SCAND3: variants seen among roughly 807,000 people sequenced by gnomAD.
SCAND3 encodes the protein SCAN domain containing 3.
At chr6:28,574,615 T>C in the SCAND3 span, 1 of 1,578,848 alleles carries the variant, frequency 6.3e-7, no homozygotes, top group Non-Finnish European at 8.7e-7. Context: ...CTTCCCCTGC[T>C]TTCATCTACG....
chr6:28,572,115 A>G, the SCAND3 span: 2 of 1,613,962 alleles, frequency 1.2e-6, no homozygotes, highest in Non-Finnish European at 1.7e-6. The surrounding 1 kb of genome is among the most constrained non-coding windows in gnomAD (Gnocchi z 4.1). Flanking sequence ...CAGCAAGCTC[A>G]GGATAGTCAT....
At chr6:28,597,376 A>G in the SCAND3 span, among the ~76,000 whole-genome samples, 2 of 152,246 alleles carry the variant, frequency 1.3e-5, no homozygotes, top group Non-Finnish European at 2.9e-5. Flanking sequence ...CGTGCAGAGC[A>G]CAATGGATTA....
At chr6:28,583,138 T>G in the SCAND3 span, among the ~76,000 whole-genome samples, 1 of 150,826 alleles carries the variant, frequency 6.6e-6, no homozygotes, top group African/African-American at 2.4e-5. Context: ...CACGCCTGTA[T>G]TCCCAACACT....
the SCAND3 span, chr6:28,587,744 T>C: frequency 6.6e-6 from 1 of 151,110 alleles, no homozygotes; most frequent in Non-Finnish European, 1.5e-5. Flanking sequence ...TAAGAGTTAG[T>C]CCATTGTTTC....
the SCAND3 span, chr6:28,591,397 TC>T: frequency 1.3e-5 from 2 of 152,146 alleles, no homozygotes; most frequent in African/African-American, 4.8e-5. Flanking sequence ...TTATAAAAAC[TC>T]CACCCTTGAA....
At chr6:28,574,518 T>C in the SCAND3 span, 1 of 825,168 alleles carries the variant, frequency 1.2e-6, no homozygotes, top group Non-Finnish European at 1.9e-6. Context: ...TAGGCCTTCT[T>C]TGGGGGAAAT....
chr6:28,597,760 A>C, the SCAND3 span: 1 of 152,176 alleles, frequency 6.6e-6, no homozygotes, highest in African/African-American at 2.4e-5. Context: ...CTCCCTTTGG[A>C]GGGACCGGAT....
At chr6:28,572,101 A>G in the SCAND3 span, 50 of 1,614,078 alleles carry the variant, frequency 3.1e-5, no homozygotes, top group African/African-American at 3.5e-4. This position sits in a 1 kb window ranked among gnomAD's most constrained non-coding sequence, Gnocchi z 4.1. Flanking sequence ...TTTTAAAGCA[A>G]TCTCAGCAAG....
the SCAND3 span, among the ~76,000 whole-genome samples, chr6:28,600,395 G>A: frequency 6.6e-6 from 1 of 152,182 alleles, no homozygotes; most frequent in Non-Finnish European, 1.5e-5. Flanking sequence ...AACTTTGGGA[G>A]GCTAAGGCAG....
At chr6:28,574,537 G>T in the SCAND3 span, 1 of 941,538 alleles carries the variant, frequency 1.1e-6, no homozygotes, top group Non-Finnish European at 1.6e-6. Flanking sequence ...ATATATCCAA[G>T]GTAATAAAAA....
the SCAND3 span, among the ~76,000 whole-genome samples, chr6:28,579,688 A>C: frequency 6.6e-6 from 1 of 152,354 alleles, no homozygotes; most frequent in African/African-American, 2.4e-5. This position sits in a 1 kb window ranked among gnomAD's most constrained non-coding sequence, Gnocchi z 4.5. Flanking sequence ...AGCACGTTAA[A>C]GAAATATCTC....
the SCAND3 span, among the ~76,000 whole-genome samples, chr6:28,580,053 T>C: frequency 1.4e-4 from 21 of 152,258 alleles, no homozygotes; most frequent in African/African-American, 3.6e-4. Flanking sequence ...TCCAGTGACA[T>C]AGGAGGAGAT....
the SCAND3 span, chr6:28,593,549 C>G: frequency 6.6e-6 from 1 of 152,196 alleles, no homozygotes; most frequent in Non-Finnish European, 1.5e-5. Context: ...GTGGTACGCA[C>G]CTCTAATCCC....
At chr6:28,587,378 A>T in the SCAND3 span, 1 of 152,246 alleles carries the variant, frequency 6.6e-6, no homozygotes, top group African/African-American at 2.4e-5. Flanking sequence ...CCGTCTTCTC[A>T]CTGGTTGTGC....
At chr6:28,602,956 A>ATTTTTTTT in the SCAND3 span, among the ~76,000 whole-genome samples, 3 of 94,458 alleles carry the variant, frequency 3.2e-5, no homozygotes, top group Admixed American at 1.3e-4. Context: ...CCAAAAAAAA[A>ATTTTTTTT]TTTTTTTTTT....
chr6:28,571,968 T>G, the SCAND3 span: 1 of 1,613,888 alleles, frequency 6.2e-7, no homozygotes. Context: ...TAGGTTGGAT[T>G]GATGACAATG....
the SCAND3 span, chr6:28,572,588 TGGC>T: frequency 6.2e-7 from 1 of 1,614,090 alleles, no homozygotes; most frequent in Non-Finnish European, 8.5e-7. The surrounding 1 kb of genome is among the most constrained non-coding windows in gnomAD (Gnocchi z 4.1). Flanking sequence ...TAAGCAAGTC[TGGC>T]TGTCCAATTC....
chr6:28,592,650 A>C, the SCAND3 span, among the ~76,000 whole-genome samples: 1 of 152,208 alleles, frequency 6.6e-6, no homozygotes, highest in African/African-American at 2.4e-5. The surrounding 1 kb of genome is among the most constrained non-coding windows in gnomAD (Gnocchi z 4.1). Flanking sequence ...CAAAGCTGGA[A>C]GCATCACATT....
the SCAND3 span, chr6:28,590,241 A>G: frequency 6.6e-6 from 1 of 152,426 alleles, no homozygotes; most frequent in Non-Finnish European, 1.5e-5. Context: ...TTCGCCTGGC[A>G]TCTCGCCTCT....
Sources: gnomAD v4.1 joint callset for allele counts (sites outside exome capture counted in the v4.1 genomes callset) on GRCh38, gnomAD v4.1.1 for gene constraint, Gnocchi (gnomAD v3.1) non-coding constraint, MANE v1.5 for transcripts, NCBI Gene and HGNC (gene_info 2026-07-23, HGNC 2026-07-21) for gene names.